DYNC2H1: variants seen among roughly 807,000 people sequenced by gnomAD.
The protein encoded by DYNC2H1 is dynein cytoplasmic 2 heavy chain 1, also known as cytoplasmic dynein 2 heavy chain 1.
DYNC2H1 carries 410 observed loss-of-function variants against 570.0 expected under a neutral mutation model. That is an observed-to-expected ratio of 0.72 (90% CI 0.66 to 0.78). The LOEUF (loss-of-function observed/expected upper bound fraction) is 0.78. DYNC2H1 is among the 30% of genes least tolerant of loss of function. The pLI is 0.00. For missense variants in DYNC2H1, 4,865 were observed against 5,046.4 expected, an observed-to-expected ratio of 0.96 and a Z score of 1.09; for synonymous variants, 1,688 against 1,677.6, an observed-to-expected ratio of 1.01 and a Z score of -0.15.
intron 57 of DYNC2H1, 33 bp downstream of exon 57, chr11:103,220,816 C>T (rs573960229): frequency 1.3e-6 from 2 of 1,574,788 alleles, no homozygotes; most frequent in Non-Finnish European, 8.7e-7. Flanking sequence ...AATATTATTT[C>T]GGCAATGAAT....
At chr11:103,148,716 C>G in intron 20 of DYNC2H1, 99 bp downstream of exon 20, 1 of 1,342,152 alleles carries the variant, frequency 7.5e-7, no homozygotes, top group East Asian at 2.6e-5. Context: ...TATATAATCT[C>G]AACATTATAA....
chr11:103,351,087 T>G (rs902118432), intron 82 of DYNC2H1, among the ~76,000 whole-genome samples: 2 of 152,164 alleles, frequency 1.3e-5, no homozygotes, highest in Non-Finnish European at 1.5e-5. Context: ...TTTAAATGAT[T>G]CTGTGGGTTG....
rs752724497 is a variant in DYNC2H1 at position 103,479,150 on chromosome 11, G to T, written c.12821G>T (p.Ser4274Ile). ...TGCATCTCTTTGCCTGTTTACACAAGTGCTGAAAGGGATCGTGTGGTTACC... is the reference window on the plus strand; with the variant it reads ...TGCATCTCTTTGCCTGTTTACACAATTGCTGAAAGGGATCGTGTGGTTACC... ...DECISLPVYT[S>I]AERDRVVTNI... The change falls in exon 89 of 89, where the codon AGT (serine) becomes ATT (isoleucine). Residue 4274 changes from serine to isoleucine, a missense_variant. This residue lies in a region of DYNC2H1 where 2,401 missense variants were observed against 2,454.6 expected (regional missense o/e 0.98). Coordinates refer to ENST00000375735, the MANE Select transcript of DYNC2H1 (RefSeq NM_001377.3). 6.2e-7 allele frequency: 1 copy of T among 1,613,690 alleles called. No homozygotes were observed. The highest frequency in any genetic ancestry group is 2.2e-5 in the East Asian group (1 of 44,872).
chr11:103,155,334 G>A lies in DYNC2H1; in HGVS notation c.3577G>A (p.Val1193Ile), dbSNP rs1386970197. 17 of 1,589,814 alleles carry A rather than the reference G, an allele frequency of 1.1e-5. No homozygotes were observed. Among genetic ancestry groups the A allele is most frequent in the African/African-American group, 7.0e-5 (5 of 71,876 alleles). ...LQSEVDKYKI[V>I]IPILKYVRGE... ...TTCTTTTTTTTTTTTGTAACAGATC[G>A]TAATTCCTATCTTGAAATATGTGAG... is the stretch of plus-strand genomic sequence containing the variant. The change falls in exon 25 of 89, where the codon GTA becomes ATA. Residue 1193 changes from valine to isoleucine, a missense_variant. Val to Ile is a conservative substitution (Grantham distance 29, BLOSUM62 3). This residue lies in a region of DYNC2H1 where 1,936 missense variants were observed against 1,962.1 expected (regional missense o/e 0.99). Coordinates refer to ENST00000375735, the MANE Select transcript of DYNC2H1 (RefSeq NM_001377.3).
chr11:103,436,208 T>G (rs1169906110), intron 85 of DYNC2H1, among the ~76,000 whole-genome samples, 176 bp downstream of exon 85: 1 of 151,988 alleles, frequency 6.6e-6, no homozygotes, highest in Non-Finnish European at 1.5e-5. Flanking sequence ...TTTTTTTTTT[T>G]TTTTTACAAA....
rs1222836788 is a variant in DYNC2H1 at position 103,407,502 on chromosome 11, C to T, written c.12366+7630C>T. 4 of 151,608 alleles carry T rather than the reference C, an allele frequency of 2.6e-5. No individual in the cohort carries two copies. In the East Asian group the frequency reaches 7.7e-4, roughly 29 times the overall value. The allele number at this position is 151,608 out of a possible 1,614,324, so 9.4% of individuals were successfully genotyped here. On this transcript the variant is annotated intron_variant, in intron 84 of 88. Coordinates refer to ENST00000375735, the MANE Select transcript of DYNC2H1 (RefSeq NM_001377.3). ...CATTGAGACATATGCAGAATGCTAG[C>T]GTAAGTGGTAGAAAATTTTTTCATA...
intron 36 of DYNC2H1, 30 bp from the exon 37 acceptor site, chr11:103,176,205 A>G: frequency 7.0e-7 from 1 of 1,438,228 alleles, no homozygotes; most frequent in Middle Eastern, 2.1e-4. Context: ...AAGTAATAAT[A>G]AATAATTTTA....
rs1204103383 is a variant in DYNC2H1 at position 103,243,093 on chromosome 11, T to C, written c.9820-600T>C. 1.3e-5 allele frequency among the ~76,000 whole-genome samples: 2 copies of C among 152,184 alleles called. No individual in the cohort carries two copies. The highest frequency in any genetic ancestry group is 4.8e-5 in the African/African-American group (2 of 41,458). On this transcript the variant is annotated intron_variant, in intron 63 of 88. Transcript: ENST00000375735. The surrounding 1 kb of genome is among the most constrained non-coding windows in gnomAD (Gnocchi z 4.8). Reference sequence around the variant, plus strand: ...ATTAGATCTTAACCTACAGCCCATGTAATTTTCTCTTCCAGGATACTCCTT... The same window carrying C: ...ATTAGATCTTAACCTACAGCCCATGCAATTTTCTCTTCCAGGATACTCCTT...
chr11:103,401,710 C>T (rs1305073092), intron 84 of DYNC2H1, among the ~76,000 whole-genome samples: 11 of 151,986 alleles, frequency 7.2e-5, no homozygotes, highest in South Asian at 2.1e-4. Flanking sequence ...GGGATTATTA[C>T]GAGAATTAAA....
At chr11:103,441,343 A>AT (rs34052546) in intron 85 of DYNC2H1, among the ~76,000 whole-genome samples, 36,738 of 150,262 alleles carry the variant, frequency 0.24, 4,850 homozygotes, top group Admixed American at 0.32. Context: ...CCTGTTTCGA[A>AT]TGTAACCCCC....
rs1052982359 is a variant in DYNC2H1 at position 103,185,559 on chromosome 11, G to C, written c.6633+508G>C. Among the ~76,000 whole-genome samples the C allele has an allele frequency of 2.7e-5, 4 of 149,714 alleles. No homozygotes were observed. Among genetic ancestry groups the C allele is most frequent in the African/African-American group, 9.8e-5 (4 of 40,710 alleles). ...CCAATTGACCTCTACTGAAATTATT[G>C]GACATTTATTCCTTTGGGTTGGCTC... On this transcript the variant is annotated intron_variant, in intron 41 of 88. Transcript: ENST00000375735. This position sits in a 1 kb window ranked among gnomAD's most constrained non-coding sequence, Gnocchi z 4.5.
rs188143518 is a variant in DYNC2H1, at chr11:103,319,695, G to C, written c.11726-1334G>C. 6.6e-6 allele frequency among the ~76,000 whole-genome samples: 1 copy of C among 152,082 alleles called. No homozygotes were observed. Among genetic ancestry groups the C allele is most frequent in the African/African-American group, 2.4e-5 (1 of 41,420 alleles). On this transcript the variant is annotated intron_variant, in intron 80 of 88. Coordinates refer to ENST00000375735, the MANE Select transcript of DYNC2H1 (RefSeq NM_001377.3). The surrounding 1 kb of genome is among the most constrained non-coding windows in gnomAD (Gnocchi z 4.3). ...AAATAAGATTTTCTTATAAAAATTC[G>C]ATAAAATATTTCACATAATGGCTGC...
chr11:103,175,127 C>A (rs1247869879), intron 36 of DYNC2H1, among the ~76,000 whole-genome samples: 4 of 152,006 alleles, frequency 2.6e-5, no homozygotes, highest in Non-Finnish European at 5.9e-5. Flanking sequence ...ATAATGATTT[C>A]CCCCACCTGT....
At chr11:103,449,934 TATG>T (rs1414908753) in intron 85 of DYNC2H1, among the ~76,000 whole-genome samples, 22 of 152,250 alleles carry the variant, frequency 1.4e-4, no homozygotes, top group African/African-American at 5.1e-4. Context: ...AAGACCCAAC[TATG>T]ATGGCCATAA....
At chr11:103,378,405 A>AT (rs886836241) in intron 83 of DYNC2H1, among the ~76,000 whole-genome samples, 32 of 152,188 alleles carry the variant, frequency 2.1e-4, no homozygotes, top group African/African-American at 7.2e-4. Context: ...AGCCCTTACC[A>AT]TTTTTTTAAA....
intron 68 of DYNC2H1, among the ~76,000 whole-genome samples, chr11:103,257,011 A>G (rs1374229863): frequency 1.3e-5 from 2 of 152,146 alleles, no homozygotes; most frequent in Non-Finnish European, 2.9e-5. Flanking sequence ...ATATATTGCT[A>G]TAGTCTGAAT....
chr11:103,364,614 TA>T (rs1555111693), intron 83 of DYNC2H1, among the ~76,000 whole-genome samples: 48 of 139,986 alleles, frequency 3.4e-4, no homozygotes, highest in African/African-American at 1.3e-3. Flanking sequence ...TTTTTTTTTT[TA>T]AGCAGGTAGT....
intron 35 of DYNC2H1, 44 bp downstream of exon 35, chr11:103,173,349 A>T (rs2134976885): frequency 7.4e-7 from 1 of 1,350,770 alleles, no homozygotes; most frequent in East Asian, 2.9e-5. Context: ...TACATTTCTA[A>T]TGATTGATTT....
At chr11:103,142,079 G>A (rs1161611029) in intron 17 of DYNC2H1, among the ~76,000 whole-genome samples, 1 of 152,212 alleles carries the variant, frequency 6.6e-6, no homozygotes, top group Non-Finnish European at 1.5e-5. Context: ...GTATTAGGGT[G>A]GGATTGACCC....
Sources: allele counts gnomAD v4.1 joint callset (sites outside exome capture counted in the v4.1 genomes callset), GRCh38; gene constraint gnomAD v4.1.1; regional missense constraint gnomAD v4.1.1; non-coding constraint Gnocchi (gnomAD v3.1); transcripts MANE v1.5; gene names NCBI Gene and HGNC (gene_info 2026-07-23, HGNC 2026-07-21).